The following IL1R1 variants were observed in gnomAD, a reference collection of about 807,000 sequenced individuals.
The protein encoded by IL1R1 is interleukin 1 receptor type 1.
In IL1R1, 22 loss-of-function variants were observed where a neutral mutation model predicts 50.2. The ratio of observed to expected loss-of-function variants is 0.44; its 90% confidence interval spans 0.31 to 0.63. The LOEUF (loss-of-function observed/expected upper bound fraction) is 0.63, where lower values mean the gene tolerates loss of function less well. Ranked by LOEUF, IL1R1 falls within the 20% of genes least tolerant of loss-of-function variation. The pLI is 0.07. For missense variants in IL1R1, 509 were observed against 676.2 expected, an observed-to-expected ratio of 0.75 and a Z score of 2.74; for synonymous variants, 251 against 236.7, an observed-to-expected ratio of 1.06 and a Z score of -0.55.
rs560894546 is a variant in IL1R1, at chr2:102,132,560, G to A, written c.-83-21381G>A. ...AAGGAATAAATTACACACCAAACAA[G>A]CAAAAGATAAGACATAATAAAGATC... is the stretch of plus-strand genomic sequence containing the variant. On this transcript the variant is annotated intron_variant, in intron 1 of 10. Transcript: ENST00000409329. Among the ~76,000 whole-genome samples, 15 of 152,108 alleles carry A rather than the reference G, an allele frequency of 9.9e-5. No homozygotes were observed. The South Asian group carries it at 3.1e-3, about 32-fold the overall frequency.
intron 1 of IL1R1, among the ~76,000 whole-genome samples, chr2:102,147,018 C>T (rs1036685997): frequency 2.6e-5 from 4 of 152,144 alleles, no homozygotes; most frequent in South Asian, 2.1e-4. Flanking sequence ...AGCAGGGCAC[C>T]GGACATGTCT....
intron 1 of IL1R1, among the ~76,000 whole-genome samples, chr2:102,149,208 ACACATATG>A (rs1683431867): frequency 1.3e-5 from 2 of 152,220 alleles, no homozygotes; most frequent in African/African-American, 4.8e-5. Flanking sequence ...CATCAGATCT[ACACATATG>A]CACATATTGG....
chr2:102,163,911 T>G (rs3917279), intron 3 of IL1R1, among the ~76,000 whole-genome samples: 47,415 of 152,040 alleles, frequency 0.31, 7,657 homozygotes, highest in East Asian at 0.48. Context: ...TAAGCTTAAT[T>G]AGGATCAGGA....
upstream of IL1R1, among the ~76,000 whole-genome samples, chr2:102,138,475 T>C (rs1483209858): frequency 2.0e-5 from 3 of 152,230 alleles, no homozygotes; most frequent in Admixed American, 6.5e-5. Context: ...ATGAAATATG[T>C]CACACTTTCT....
intron 1 of IL1R1, among the ~76,000 whole-genome samples, chr2:102,126,553 T>A (rs1681719990): frequency 1.3e-5 from 2 of 152,196 alleles, no homozygotes; most frequent in Admixed American, 6.5e-5. Context: ...AGACTCAGAT[T>A]TTTATCTCCA....
upstream of IL1R1, among the ~76,000 whole-genome samples, chr2:102,139,490 G>T (rs541507503): frequency 2.5e-4 from 38 of 152,346 alleles, no homozygotes; most frequent in Non-Finnish European, 3.5e-4. Context: ...GTCAGGAGGA[G>T]GCCAGGTGAT....
intron 1 of IL1R1, among the ~76,000 whole-genome samples, chr2:102,110,135 C>A (rs12989438): frequency 1.3e-5 from 2 of 151,848 alleles, no homozygotes; most frequent in Non-Finnish European, 2.9e-5. Context: ...CACCAATAGG[C>A]GAGTCTTGTT....
chr2:102,172,063 C>G (rs566646853), intron 8 of IL1R1, 145 bp downstream of exon 8: 72 of 310,012 alleles, frequency 2.3e-4, no homozygotes, highest in Non-Finnish European at 2.7e-5. Context: ...TTTTGCTAAG[C>G]TAAGTAGAAT....
chr2:102,109,752 C>T (rs930003413), intron 1 of IL1R1, among the ~76,000 whole-genome samples: 3 of 152,084 alleles, frequency 2.0e-5, no homozygotes, highest in African/African-American at 4.8e-5. Context: ...ACTCGATGGG[C>T]GTTTAAAATA....
intron 8 of IL1R1, 26 bp downstream of exon 8, chr2:102,171,944 T>C: frequency 7.8e-7 from 1 of 1,284,828 alleles, no homozygotes; most frequent in South Asian, 1.4e-5. Context: ...GTTATTCACA[T>C]TTTGGTGTTA....
At chr2:102,133,934 G>A (rs561683026) in intron 1 of IL1R1, among the ~76,000 whole-genome samples, 3 of 151,926 alleles carry the variant, frequency 2.0e-5, no homozygotes, top group African/African-American at 4.8e-5. Context: ...GAAATAAAAG[G>A]TATCCAGATT....
Position 102,175,488 on chromosome 2 carries a change from A to G in IL1R1, c.1146A>G (p.Gly382=), listed in dbSNP as rs771684231. The G allele has an allele frequency of 1.2e-6, 2 of 1,613,098 alleles. No homozygotes were observed. Among genetic ancestry groups the G allele is most frequent in the Non-Finnish European group, 1.7e-6 (2 of 1,179,134 alleles). The part of the protein sequence containing the change: ...YDFLPIKASD[G]KTYDAYILYP... The stretch of plus-strand genomic sequence containing the variant: ...ATGTTTTTCCTTTAGCTTCAGATGG[A>G]AAGACCTATGACGCATATATACTGT... The change falls in exon 11 of 12, where the codon GGA becomes GGG. Residue 382 remains glycine (G), a synonymous_variant. Transcript: ENST00000410023.
chr2:102,080,108 C>G (rs183246751), intron 1 of IL1R1, among the ~76,000 whole-genome samples: 1 of 152,056 alleles, frequency 6.6e-6, no homozygotes, highest in African/African-American at 2.4e-5. Flanking sequence ...TAGAACTAAA[C>G]GTATGATCTA....
At position 102,121,451 on chromosome 2, in the gene IL1R1, G is replaced by A. The variant is rs901749256; in HGVS notation, c.-84+16579G>A. On this transcript the variant is annotated intron_variant, in intron 1 of 10. Transcript: ENST00000409329. ...TTCCAGGCTGCTCCTCCACCAGCCC[G>A]GTGACTCAGTTTCTACTCCTTCTTC... 6.6e-5 allele frequency among the ~76,000 whole-genome samples: 10 copies of A among 152,286 alleles called. No individual in the cohort carries two copies. The East Asian group carries it at 1.4e-3, about 21-fold the overall frequency.
intron 1 of IL1R1, among the ~76,000 whole-genome samples, chr2:102,108,836 T>C (rs1680574377): frequency 6.6e-6 from 1 of 151,868 alleles, no homozygotes. Flanking sequence ...TTGGCATGAA[T>C]ATCAAAAACT....
At chr2:102,102,836 A>G (rs903562816), upstream of IL1R1, among the ~76,000 whole-genome samples, 9 of 152,206 alleles carry the variant, frequency 5.9e-5, no homozygotes, top group African/African-American at 2.2e-4. Context: ...GAACAAGATC[A>G]TGTCTTTTGC....
At chr2:102,112,230 T>C (rs1191616820) in intron 1 of IL1R1, among the ~76,000 whole-genome samples, 2 of 151,852 alleles carry the variant, frequency 1.3e-5, no homozygotes, top group Non-Finnish European at 1.5e-5. Context: ...GACAAAATAT[T>C]GTTGATCAGA....
At chr2:102,161,105 T>C (rs781668101) in intron 3 of IL1R1, among the ~76,000 whole-genome samples, 11 of 152,232 alleles carry the variant, frequency 7.2e-5, no homozygotes, top group Non-Finnish European at 1.0e-4. Context: ...TAAGTACTGC[T>C]TTCATTGAAT....
Position 102,176,234 on chromosome 2 carries a change from A to T in IL1R1, c.1304-119A>T, listed in dbSNP as rs1686120925. On this transcript the variant is annotated intron_variant, in intron 11 of 11. Coordinates refer to ENST00000410023, the MANE Select transcript of IL1R1 (RefSeq NM_000877.4). ...ATGGGAAACTCCTTTAATTTTAAGTAAGACAAGAAAAAGGCATTAGGAGCC... is the reference window on the plus strand; with the variant it reads ...ATGGGAAACTCCTTTAATTTTAAGTTAGACAAGAAAAAGGCATTAGGAGCC... 6.6e-6 allele frequency: 5 copies of T among 753,842 alleles called. No individual in the cohort carries two copies. In the East Asian group the frequency reaches 1.3e-4, roughly 20 times the overall value. The allele number at this position is 753,842 out of a possible 1,614,324, so 46.7% of individuals were successfully genotyped here.
Sources: gnomAD v4.1 joint callset for allele counts (sites outside exome capture counted in the v4.1 genomes callset) on GRCh38, gnomAD v4.1.1 for gene constraint, MANE v1.5 for transcripts, NCBI Gene and HGNC (gene_info 2026-07-23, HGNC 2026-07-21) for gene names.